The following TSPEAR variants were observed in gnomAD, a reference collection of about 807,000 sequenced individuals.
TSPEAR encodes thrombospondin-type laminin G domain and EAR repeat-containing protein.
In TSPEAR, 69 loss-of-function variants were observed where a neutral mutation model predicts 71.6. The observed-to-expected ratio is 0.96, with a 90% confidence interval of 0.79 to 1.18. The LOEUF is 1.18. TSPEAR is among the 50% of genes most tolerant of loss of function. The pLI is 0.00. For missense variants in TSPEAR, 971 were observed against 894.9 expected (o/e 1.09, Z -1.09); for synonymous variants, 402 against 387.2 (o/e 1.04, Z -0.45).
At chr21:44,628,279 C>CCTCTGGTCGCTGGT (rs1983022951) in intron 1 of TSPEAR, 1 of 346,518 alleles carries the variant, frequency 2.9e-6, no homozygotes, top group African/African-American at 3.1e-5. Flanking sequence ...CCACAACCCT[C>CCTCTGGTCGCTGGT]CGCTGGTCGC....
intron 1 of TSPEAR, among the ~76,000 whole-genome samples, chr21:44,694,478 A>T (rs1987246348): frequency 6.6e-6 from 1 of 152,210 alleles, no homozygotes; most frequent in Non-Finnish European, 1.5e-5. Flanking sequence ...AAACAGTCCT[A>T]GAGGTGAACA....
intron 2 of TSPEAR, among the ~76,000 whole-genome samples, chr21:44,559,564 T>C (rs1189584839): frequency 6.6e-6 from 1 of 152,166 alleles, no homozygotes; most frequent in Non-Finnish European, 1.5e-5. Flanking sequence ...AGCTCCAAGG[T>C]CTCTTCCCTT....
chr21:44,675,876 G>C, intron 1 of TSPEAR: 2 of 706,292 alleles, frequency 2.8e-6, no homozygotes. Context: ...CCTTACTCTG[G>C]CTGTACTTGA....
intron 1 of TSPEAR, among the ~76,000 whole-genome samples, chr21:44,639,973 G>A (rs782624502): frequency 1.3e-5 from 2 of 152,172 alleles, no homozygotes; most frequent in Non-Finnish European, 2.9e-5. Flanking sequence ...AAGCACCTTG[G>A]AAAACAGTTC....
At position 44,506,500 on chromosome 21, in the gene TSPEAR, G is replaced by A. The variant is rs1209780081; in HGVS notation, c.1755-1619C>T. On this transcript the variant is annotated intron_variant, in intron 10 of 11. Transcript: ENST00000323084. The surrounding 1 kb of genome is among the most constrained non-coding windows in gnomAD (Gnocchi z 4.2). ...GCAGCAGGGGCTCAGACAGGGCCTTGGGAGAGGGAGGGATCACAGAGGTGT... is the reference window on the plus strand; with the variant it reads ...GCAGCAGGGGCTCAGACAGGGCCTTAGGAGAGGGAGGGATCACAGAGGTGT... Among the ~76,000 whole-genome samples the A allele has an allele frequency of 2.0e-5, 3 of 152,270 alleles. No individual in the cohort carries two copies. The highest frequency in any genetic ancestry group is 7.2e-5 in the African/African-American group (3 of 41,478).
chr21:44,567,066 A>G (rs2146069816), intron 2 of TSPEAR, among the ~76,000 whole-genome samples: 1 of 152,346 alleles, frequency 6.6e-6, no homozygotes, highest in South Asian at 2.1e-4. Context: ...CAAGAAAGTA[A>G]AAGGAAAACC....
intron 1 of TSPEAR, among the ~76,000 whole-genome samples, chr21:44,701,133 C>A (rs1393568607): frequency 6.6e-6 from 1 of 152,102 alleles, no homozygotes; most frequent in African/African-American, 2.4e-5. Context: ...TTTTTTAAAC[C>A]GACACATCAT....
intron 1 of TSPEAR, chr21:44,574,772 A>G (rs1978322832): frequency 1.2e-6 from 2 of 1,611,854 alleles, no homozygotes; most frequent in East Asian, 4.5e-5. Flanking sequence ...CTTCCTCTTC[A>G]TGCTGCCAGC....
chr21:44,543,691 G>A (rs1054907847), intron 2 of TSPEAR, among the ~76,000 whole-genome samples: 1 of 152,202 alleles, frequency 6.6e-6, no homozygotes, highest in Admixed American at 6.5e-5. Flanking sequence ...GGCAAAGATT[G>A]GAGTGAAGAT....
chr21:44,622,794 T>G (rs1982527202), intron 1 of TSPEAR, among the ~76,000 whole-genome samples: 1 of 152,210 alleles, frequency 6.6e-6, no homozygotes, highest in South Asian at 2.1e-4. Context: ...GTGACATGGT[T>G]TGGTTGTATG....
chr21:44,566,316 G>T (rs1005594912), intron 2 of TSPEAR, among the ~76,000 whole-genome samples: 22 of 152,222 alleles, frequency 1.4e-4, no homozygotes, highest in African/African-American at 5.3e-4. Context: ...CTTATACTCT[G>T]AAAACTATAA....
At chr21:44,579,073 G>T (rs1207933450) in intron 1 of TSPEAR, among the ~76,000 whole-genome samples, 1 of 152,196 alleles carries the variant, frequency 6.6e-6, no homozygotes, top group Non-Finnish European at 1.5e-5. Context: ...CAGAACTCTC[G>T]GGCGGGCGGC....
rs1487236649 is a variant in TSPEAR, at chr21:44,508,796, T to TGGTGGCAGCTGGC, written c.1754+390_1754+402dup. ...ATCGGGGGAAGGAAGTAATCATGTC[T>TGGTGGCAGCTGGC]GGTGGCAGCTGGCACTGGCAGGCAG... On this transcript the variant is annotated intron_variant, in intron 10 of 11. Transcript: ENST00000323084. 19 of 1,323,198 alleles carry TGGTGGCAGCTGGC rather than the reference T, an allele frequency of 1.4e-5. 1 individual carries two copies. The East Asian group carries it at 8.8e-4, about 61-fold the overall frequency. 82.0% of individuals were successfully genotyped at this position (1,323,198 alleles called of 1,614,324 possible). A position where few individuals can be genotyped will look rare whatever the true frequency, so the allele number is the denominator to read the frequency against.
intron 1 of TSPEAR, among the ~76,000 whole-genome samples, chr21:44,610,784 C>A (rs1331625147): frequency 1.3e-5 from 2 of 152,204 alleles, no homozygotes; most frequent in African/African-American, 4.8e-5. Flanking sequence ...CTGTACCCTG[C>A]AAAGCCACAG....
rs2052742379 is a variant in TSPEAR, at chr21:44,521,922, G to C, written c.1527C>G (p.Ile509Met). Residue 509 changes from isoleucine to methionine, a missense_variant, in exon 9 of 12, where the codon ATC becomes ATG. Coordinates refer to ENST00000323084, the MANE Select transcript of TSPEAR (RefSeq NM_144991.3). Reference protein sequence around the residue: ...TSTKVHSHLYIRLLGSFQLFQ... With the variant: ...TSTKVHSHLYMRLLGSFQLFQ... ...AGAGCTGGAAGGAGCCCAGGAGTCG[G>C]ATGTAGAGGTGCGAGTGCACCTTGG... The C allele has an allele frequency of 6.2e-7, 1 of 1,614,058 alleles. No individual in the cohort carries two copies. The highest frequency in any genetic ancestry group is 8.5e-7 in the Non-Finnish European group (1 of 1,179,998).
intron 1 of TSPEAR, among the ~76,000 whole-genome samples, chr21:44,595,735 CTATTA>C (rs1287025126): frequency 6.6e-6 from 1 of 152,192 alleles, no homozygotes; most frequent in Non-Finnish European, 1.5e-5. Flanking sequence ...TCACCTCATT[CTATTA>C]TGTGTATGTG....
In TSPEAR at chr21:44,689,712, A is replaced by AATATATATATATATATATATAT. The variant is rs71199618; in HGVS notation, c.82+21699_82+21720dup. 1.7e-3 allele frequency among the ~76,000 whole-genome samples: 104 copies of AATATATATATATATATATATAT among 61,992 alleles called. 2 individuals are homozygous for AATATATATATATATATATATAT. Among genetic ancestry groups the AATATATATATATATATATATAT allele is most frequent in the African/African-American group, 8.1e-3 (100 of 12,408 alleles). The allele number at this position is 61,992 out of a possible 152,430, so 40.7% of individuals were successfully genotyped here. ...TCCCTTAGAGGGACAGAATAGAATGAATATATATATATATATATATATATA... is the reference window on the plus strand; with the variant it reads ...TCCCTTAGAGGGACAGAATAGAATGAATATATATATATATATATATATATATATATATATATATATATATATA... On this transcript the variant is annotated intron_variant, in intron 1 of 11. Coordinates refer to ENST00000323084, the MANE Select transcript of TSPEAR (RefSeq NM_144991.3).
chr21:44,657,949 C>T lies in TSPEAR; in HGVS notation c.82+53484G>A, dbSNP rs1985249581. The T allele has an allele frequency of 1.9e-6, 3 of 1,599,484 alleles. No homozygotes were observed. The South Asian group carries it at 3.4e-5, about 18-fold the overall frequency. ...GCAGCTTCCAGACATCACCATCCTC[C>T]TCCCCAGTACCAGCCCAGCCACACG... On this transcript the variant is annotated intron_variant, in intron 1 of 11. Transcript: ENST00000323084.
rs76065764 is a variant in TSPEAR, at chr21:44,626,476, C to T, written c.83-58471G>A. ...CCTGCTGCCTAGCACAGCTACTTCA[C>T]GGGTTCAGAACCCGAAACCACAGCC... On this transcript the variant is annotated intron_variant, in intron 1 of 11. Transcript: ENST00000323084. 4.0e-3 allele frequency among the ~76,000 whole-genome samples: 602 copies of T among 152,286 alleles called. 5 individuals carry two copies. The highest frequency in any genetic ancestry group is 0.014 in the African/African-American group (579 of 41,532).
Sources: gnomAD v4.1 joint callset for allele counts (sites outside exome capture counted in the v4.1 genomes callset) on GRCh38, gnomAD v4.1.1 for gene constraint, Gnocchi (gnomAD v3.1) non-coding constraint, MANE v1.5 for transcripts, NCBI Gene and HGNC (gene_info 2026-07-23, HGNC 2026-07-21) for gene names.